ZNF667: variants seen among roughly 807,000 people sequenced by gnomAD.
ZNF667 encodes the protein myocardial ischemic preconditioning upregulated 1 ortholog.
A neutral mutation model predicts 31.8 loss-of-function variants in ZNF667; 13 were observed. The ratio of observed to expected loss-of-function variants is 0.41; its 90% CI spans 0.27 to 0.65. The LOEUF (loss-of-function observed/expected upper bound fraction) is 0.65. Ranked by LOEUF, ZNF667 falls within the 30% of genes least tolerant of loss-of-function variation. The pLI, the probability that ZNF667 is intolerant of heterozygous loss-of-function variation, is 0.32. For synonymous variants in ZNF667, 228 were observed against 247.1 expected (o/e 0.92, Z 0.73); for missense variants, 642 against 725.6 (o/e 0.88, Z 1.32).
intron 3 of ZNF667, chr19:56,467,143 G>C: frequency 2.3e-6 from 1 of 435,532 alleles, no homozygotes; most frequent in Non-Finnish European, 4.6e-6. Context: ...TGTGTGCCAT[G>C]CCGGCCACAT....
chr19:56,471,625 G>A (rs1490368819), intron 3 of ZNF667, 74 bp downstream of exon 3: 2 of 152,102 alleles, frequency 1.3e-5, no homozygotes, highest in Non-Finnish European at 2.9e-5. Flanking sequence ...TTTGAAACAC[G>A]TTCATTTGTG....
Position 56,442,094 on chromosome 19 carries a change from T to A in ZNF667, c.901A>T (p.Arg301Ter). The A allele has an allele frequency of 6.2e-7, 1 of 1,614,172 alleles. No homozygotes were observed. The highest frequency in any genetic ancestry group is 2.2e-5 in the East Asian group (1 of 44,878). Residue 301 changes from arginine (R) to a stop codon, truncating the protein, a stop_gained, in exon 7 of 7, where the codon AGA becomes TGA. Coordinates refer to ENST00000504904, the MANE Select transcript of ZNF667 (RefSeq NM_001321356.2). LOFTEE classifies it high-confidence loss of function. ...GGGATTTTCTCTCCAGCATGAATTC[T>A]TTTATGTACAACAAAGACTGATTTC... ...KKKSVFVVHK[R>*]IHAGEKIPEN...
At chr19:56,456,689 A>G (rs2042937720) in intron 6 of ZNF667, among the ~76,000 whole-genome samples, 1 of 152,246 alleles carries the variant, frequency 6.6e-6, no homozygotes, top group African/African-American at 2.4e-5. Flanking sequence ...ATAGGACATG[A>G]GAGACTAGTA....
chr19:56,443,636 G>A (rs189876087), intron 6 of ZNF667, among the ~76,000 whole-genome samples: 1 of 152,222 alleles, frequency 6.6e-6, no homozygotes, highest in African/African-American at 2.4e-5. Context: ...TAGAACCATG[G>A]CCATATATGT....
chr19:56,454,195 G>A (rs1414520690), intron 6 of ZNF667, among the ~76,000 whole-genome samples: 1 of 152,076 alleles, frequency 6.6e-6, no homozygotes, highest in Non-Finnish European at 1.5e-5. Context: ...CAAAAATATG[G>A]AAAGATAGTC....
chr19:56,475,143 C>A (rs1446613110), intron 1 of ZNF667: 2 of 152,172 alleles, frequency 1.3e-5, no homozygotes, highest in Admixed American at 1.3e-4. Context: ...ATCCCTTTAC[C>A]CTGCTTTACT....
chr19:56,442,181 T>C lies in ZNF667; in HGVS notation c.814A>G (p.Lys272Glu), dbSNP rs1362814982. The change falls in exon 7 of 7, where the codon AAG (lysine) becomes GAG (glutamate). Residue 272 changes from lysine (K) to glutamate (E), a missense_variant. Coordinates refer to ENST00000504904, the MANE Select transcript of ZNF667 (RefSeq NM_001321356.2). ...GTTTTCTTTCCATTGTGAATTTTCT[T>C]ATGAAGTAAAAGGGATGACATCTGA... ...FNQMSSLLLH[K>E]KIHNGKKTHK... 6.2e-7 allele frequency: 1 copy of C among 1,613,752 alleles called. No individual in the cohort carries two copies.
At chr19:56,443,059 A>C (rs1327745124) in intron 6 of ZNF667, among the ~76,000 whole-genome samples, 2 of 152,200 alleles carry the variant, frequency 1.3e-5, no homozygotes, top group Non-Finnish European at 2.9e-5. Flanking sequence ...ATGTGTCCAG[A>C]AAAGGTAAGT....
At chr19:56,467,095 A>T (rs1236092959) in intron 3 of ZNF667, 1 of 455,980 alleles carries the variant, frequency 2.2e-6, no homozygotes, top group African/African-American at 2.0e-5. Flanking sequence ...GGTCCCATGC[A>T]GGTGAGCCAT....
chr19:56,463,522 T>C (rs918569374), intron 3 of ZNF667, among the ~76,000 whole-genome samples: 1 of 152,098 alleles, frequency 6.6e-6, no homozygotes, highest in South Asian at 2.1e-4. Context: ...GAGGAACTCA[T>C]TTTCTTCCCT....
intron 6 of ZNF667, among the ~76,000 whole-genome samples, chr19:56,453,506 C>T (rs539309306): frequency 1.1e-4 from 16 of 152,232 alleles, no homozygotes; most frequent in East Asian, 3.9e-4. Flanking sequence ...TGAACAAGAA[C>T]GATTAATCCC....
At chr19:56,459,885 G>C (rs1356055358) in intron 5 of ZNF667, among the ~76,000 whole-genome samples, 1 of 152,042 alleles carries the variant, frequency 6.6e-6, no homozygotes, top group African/African-American at 2.4e-5. Context: ...CCAGCTACTC[G>C]AGAGACTGAG....
rs2043435580 is a variant in ZNF667, at chr19:56,477,301, GC to G, written c.-692del. 1 of 152,182 alleles carries G rather than the reference GC, an allele frequency of 6.6e-6. No individual in the cohort carries two copies. Among genetic ancestry groups the G allele is most frequent in the Non-Finnish European group, 1.5e-5 (1 of 68,022 alleles). The allele number at this position is 152,182 out of a possible 1,614,324, so 9.4% of individuals were successfully genotyped here. Reference sequence around the variant, plus strand: ...GTCTTCCCGGGCTCAGACCCCGGCGGCGACCACCGAGACAGCCGAGCAGGGA... The same window carrying G: ...GTCTTCCCGGGCTCAGACCCCGGCGGGACCACCGAGACAGCCGAGCAGGGA... On this transcript the variant is annotated 5_prime_UTR_variant, in exon 1 of 7. Transcript: ENST00000504904.
chr19:56,469,880 T>C, intron 3 of ZNF667: 1 of 469,582 alleles, frequency 2.1e-6, no homozygotes, highest in Non-Finnish European at 4.3e-6. Flanking sequence ...ATTAACTTTC[T>C]TTACCAACAC....
chr19:56,465,676 T>C (rs1239196097), intron 3 of ZNF667, among the ~76,000 whole-genome samples: 1 of 152,154 alleles, frequency 6.6e-6, no homozygotes, highest in East Asian at 1.9e-4. Context: ...ACCTAGACAT[T>C]TGCCCCAAAT....
At chr19:56,447,143 C>A (rs529627443) in intron 6 of ZNF667, among the ~76,000 whole-genome samples, 10 of 144,220 alleles carry the variant, frequency 6.9e-5, no homozygotes, top group Admixed American at 2.1e-4. Context: ...TCCAATCACA[C>A]AAAAATGAAA....
intron 3 of ZNF667, chr19:56,467,608 G>C (rs2043191042): frequency 6.6e-6 from 1 of 152,200 alleles, no homozygotes; most frequent in South Asian, 2.1e-4. Context: ...TCAGATACCA[G>C]TTGCAAGTCT....
intron 3 of ZNF667, among the ~76,000 whole-genome samples, chr19:56,464,571 G>A (rs2043119224): frequency 6.6e-6 from 1 of 152,168 alleles, no homozygotes; most frequent in African/African-American, 2.4e-5. Flanking sequence ...GTAGCCTCTG[G>A]AAAATGTAAA....
chr19:56,441,229 C>G lies in ZNF667; in HGVS notation c.1766G>C (p.Gly589Ala). 6.2e-7 allele frequency: 1 copy of G among 1,614,018 alleles called. No individual in the cohort carries two copies. The highest frequency in any genetic ancestry group is 1.1e-5 in the South Asian group (1 of 91,076). Residue 589 changes from glycine to alanine, a missense_variant, in exon 7 of 7, where the codon GGG becomes GCG. Coordinates refer to ENST00000504904, the MANE Select transcript of ZNF667 (RefSeq NM_001321356.2). This position sits in a 1 kb window ranked among gnomAD's most constrained non-coding sequence, Gnocchi z 4.2. ...SEKPYECSKC[G>A]KAYSRSSSLI... is the part of the protein sequence containing the mutation. Reference sequence around the variant, plus strand: ...GGATGAACTCCGACTATATGCCTTCCCACATTTACTACATTCATAGGGTTT... The same window carrying G: ...GGATGAACTCCGACTATATGCCTTCGCACATTTACTACATTCATAGGGTTT...
Sources: gnomAD v4.1 joint callset for allele counts (sites outside exome capture counted in the v4.1 genomes callset) on GRCh38, gnomAD v4.1.1 for gene constraint, Gnocchi (gnomAD v3.1) non-coding constraint, MANE v1.5 for transcripts, NCBI Gene and HGNC (gene_info 2026-07-23, HGNC 2026-07-21) for gene names.